The following SRGAP1 variants were observed in gnomAD, a reference collection of about 807,000 sequenced individuals.
SRGAP1 encodes the protein SLIT-ROBO Rho GTPase activating protein 1.
A neutral mutation model predicts 121.9 loss-of-function variants in SRGAP1; 43 were observed. That is an observed-to-expected ratio of 0.35 (90% confidence interval 0.28 to 0.46). The LOEUF (loss-of-function observed/expected upper bound fraction) is 0.46. SRGAP1 is among the 20% of genes least tolerant of loss of function. The probability of loss-of-function intolerance (pLI) is 1.00; values close to 1 mark genes in which losing one functional copy is unlikely to be tolerated. For synonymous variants in SRGAP1, 447 were observed against 485.4 expected, an observed-to-expected ratio of 0.92 and a Z score of 1.04; for missense variants, 1,102 against 1,350.9, an observed-to-expected ratio of 0.82 and a Z score of 2.89.
chr12:63,949,516 C>T (rs573705070), intron 1 of SRGAP1, among the ~76,000 whole-genome samples: 505 of 151,090 alleles, frequency 3.3e-3, no homozygotes, highest in Non-Finnish European at 5.2e-3. Context: ...CAAACTCTGC[C>T]TCCCGGGTTT....
chr12:63,998,268 A>G (rs1469971764), intron 3 of SRGAP1, among the ~76,000 whole-genome samples: 1 of 152,238 alleles, frequency 6.6e-6, no homozygotes, highest in Non-Finnish European at 1.5e-5. Context: ...TTACTTCTGC[A>G]TTAGAAACCA....
intron 3 of SRGAP1, among the ~76,000 whole-genome samples, chr12:64,014,130 A>G (rs1305778683): frequency 6.6e-6 from 1 of 152,240 alleles, no homozygotes; most frequent in African/African-American, 2.4e-5. Context: ...CTTATGAGAT[A>G]AGTACAATGC....
chr12:64,085,609 A>G (rs139612935), intron 10 of SRGAP1, among the ~76,000 whole-genome samples: 309 of 152,178 alleles, frequency 2.0e-3, no homozygotes, highest in African/African-American at 6.6e-3. Context: ...GATATCCCAT[A>G]AGGCACCACA....
intron 11 of SRGAP1, among the ~76,000 whole-genome samples, 180 bp from the exon 12 acceptor site, chr12:64,091,096 G>GT (rs555752854): frequency 6.2e-4 from 94 of 152,282 alleles, no homozygotes; most frequent in African/African-American, 1.9e-3. Flanking sequence ...CAATTTGTAT[G>GT]TTTTTTGATA....
intron 3 of SRGAP1, among the ~76,000 whole-genome samples, chr12:64,000,972 A>G (rs6581517): frequency 6.6e-6 from 1 of 152,000 alleles, no homozygotes; most frequent in East Asian, 1.9e-4. Context: ...AAGAAATATG[A>G]TATGAAAAAG....
chr12:63,865,384 G>A (rs1325566737), intron 1 of SRGAP1, among the ~76,000 whole-genome samples: 1 of 152,036 alleles, frequency 6.6e-6, no homozygotes, highest in East Asian at 1.9e-4. Flanking sequence ...CAGGAGAATC[G>A]CTTGAACCCA....
intron 1 of SRGAP1, among the ~76,000 whole-genome samples, chr12:63,919,143 C>G (rs1172616697): frequency 6.6e-6 from 1 of 152,038 alleles, no homozygotes; most frequent in African/African-American, 2.4e-5. Context: ...ACCTCCGCCT[C>G]ACGGATTGGA....
chr12:64,045,755 A>G (rs1487147239), intron 6 of SRGAP1, among the ~76,000 whole-genome samples: 1 of 152,120 alleles, frequency 6.6e-6, no homozygotes, highest in Non-Finnish European at 1.5e-5. Context: ...ACCAACTTTA[A>G]TACAAGAAAA....
At chr12:63,973,981 T>C (rs2033028093) in intron 1 of SRGAP1, among the ~76,000 whole-genome samples, 1 of 152,208 alleles carries the variant, frequency 6.6e-6, no homozygotes, top group Non-Finnish European at 1.5e-5. Flanking sequence ...ATCTTTGTAT[T>C]CTCTATAAAT....
At chr12:63,911,392 C>T (rs2030494394) in intron 1 of SRGAP1, among the ~76,000 whole-genome samples, 1 of 151,898 alleles carries the variant, frequency 6.6e-6, no homozygotes. Context: ...TGGATTTCTT[C>T]AAGTTTCTGC....
At chr12:64,049,573 A>G (rs1489959734) in intron 6 of SRGAP1, among the ~76,000 whole-genome samples, 2 of 152,204 alleles carry the variant, frequency 1.3e-5, no homozygotes, top group East Asian at 3.9e-4. Flanking sequence ...CTGGTCCTTC[A>G]CATGACATGT....
chr12:64,044,889 A>G (rs1307649340), intron 6 of SRGAP1, among the ~76,000 whole-genome samples: 1 of 151,922 alleles, frequency 6.6e-6, no homozygotes, highest in Non-Finnish European at 1.5e-5. Context: ...CATGTTGCCC[A>G]GGCCAATGTT....
intron 8 of SRGAP1, among the ~76,000 whole-genome samples, chr12:64,074,682 A>T (rs2035702332): frequency 6.6e-6 from 1 of 152,146 alleles, no homozygotes; most frequent in Non-Finnish European, 1.5e-5. Context: ...CTGTTTTCTT[A>T]CATGTTTGTC....
intron 1 of SRGAP1, among the ~76,000 whole-genome samples, chr12:63,902,862 TTCTG>T (rs1462300708): frequency 6.6e-6 from 1 of 152,222 alleles, no homozygotes; most frequent in African/African-American, 2.4e-5. Flanking sequence ...TTTCTCTGGA[TTCTG>T]TCTGTACTTT....
intron 1 of SRGAP1, among the ~76,000 whole-genome samples, chr12:63,954,971 TA>T (rs1308232138): frequency 9.2e-5 from 14 of 152,190 alleles, no homozygotes; most frequent in Admixed American, 7.2e-4. Context: ...ATTAAGCTTT[TA>T]AAAAATTATT....
rs1482115170 is a variant in SRGAP1, at chr12:64,147,472, C to T, written c.*4800C>T. 2.5e-6 allele frequency: 1 copy of T among 395,488 alleles called. No homozygotes were observed. Among genetic ancestry groups the T allele is most frequent in the Admixed American group, 4.4e-5 (1 of 22,532 alleles). The allele number at this position is 395,488 out of a possible 1,614,324, so 24.5% of individuals were successfully genotyped here. On this transcript the variant is annotated 3_prime_UTR_variant, in exon 22 of 22. Coordinates refer to ENST00000355086, the MANE Select transcript of SRGAP1 (RefSeq NM_020762.4). Reference sequence around the variant, plus strand: ...TGTGCCTCGGTGCTCAGTAATGTCCCATCTCACCTCCCTGTCGGTCCTCAG... The same window carrying T: ...TGTGCCTCGGTGCTCAGTAATGTCCTATCTCACCTCCCTGTCGGTCCTCAG...
chr12:63,951,420 T>G (rs2032292905), intron 1 of SRGAP1, among the ~76,000 whole-genome samples: 1 of 152,156 alleles, frequency 6.6e-6, no homozygotes, highest in South Asian at 2.1e-4. Context: ...TGCCTTGGCC[T>G]CCCAAAGTGC....
intron 11 of SRGAP1, among the ~76,000 whole-genome samples, chr12:64,089,632 T>C (rs1251805717): frequency 1.3e-5 from 2 of 152,248 alleles, no homozygotes; most frequent in Admixed American, 6.5e-5. Flanking sequence ...CCTCCATGAA[T>C]GGCCAGAACT....
chr12:64,071,421 T>C (rs1391700885), intron 8 of SRGAP1, among the ~76,000 whole-genome samples: 1 of 152,238 alleles, frequency 6.6e-6, no homozygotes, highest in Non-Finnish European at 1.5e-5. Context: ...CAGTGAACTT[T>C]TTCTGATAAT....
Sources: gnomAD v4.1 joint callset for allele counts (sites outside exome capture counted in the v4.1 genomes callset) on GRCh38, gnomAD v4.1.1 for gene constraint, MANE v1.5 for transcripts, NCBI Gene and HGNC (gene_info 2026-07-23, HGNC 2026-07-21) for gene names.